ADGRV1: variants seen among roughly 807,000 people sequenced by gnomAD.
ADGRV1 encodes G-protein coupled receptor 98.
Under a neutral mutation model 596.2 loss-of-function variants are expected in ADGRV1, and 359 were observed. The ratio of observed to expected loss-of-function variants is 0.60; its 90% CI spans 0.55 to 0.66. The LOEUF (loss-of-function observed/expected upper bound fraction) is 0.66. Among genes scored for constraint, ADGRV1 ranks in the 30% least tolerant of loss-of-function variants. ADGRV1 has a pLI of 0.00. For missense variants in ADGRV1, 7,274 were observed against 7,575.6 expected, an observed-to-expected ratio of 0.96 and a Z score of 1.48; for synonymous variants, 2,681 against 2,679.2, an observed-to-expected ratio of 1.00 and a Z score of -0.02.
At chr5:90,912,775 T>G (rs1414046221) in intron 83 of ADGRV1, among the ~76,000 whole-genome samples, 2 of 152,170 alleles carry the variant, frequency 1.3e-5, no homozygotes, top group South Asian at 2.1e-4. Flanking sequence ...CTGCAAAGTA[T>G]CCCATGGTGT....
chr5:90,689,873 G>A lies in ADGRV1; in HGVS notation c.6503G>A (p.Ser2168Asn). The A allele has an allele frequency of 2.5e-6, 4 of 1,611,404 alleles. No individual in the cohort carries two copies. The highest frequency in any genetic ancestry group is 1.1e-5 in the South Asian group (1 of 90,768). The change falls in exon 30 of 90, where the codon AGT becomes AAT. Residue 2168 changes from serine (S) to asparagine (N), a missense_variant. Coordinates refer to ENST00000405460, the MANE Select transcript of ADGRV1 (RefSeq NM_032119.4). Reference protein sequence around the residue: ...PITAIAGEDYSIASSDVVLLE... With the variant: ...PITAIAGEDYNIASSDVVLLE... Reference sequence around the variant, plus strand: ...TTGGTCTTTTCAGGTGAAGATTATAGTATAGCTTCATCAGATGTGGTCTTG... The same window carrying A: ...TTGGTCTTTTCAGGTGAAGATTATAATATAGCTTCATCAGATGTGGTCTTG...
intron 75 of ADGRV1, among the ~76,000 whole-genome samples, chr5:90,823,000 A>G (rs1283551491): frequency 6.6e-6 from 1 of 152,190 alleles, no homozygotes; most frequent in Non-Finnish European, 1.5e-5. Context: ...ACTTTGCTGA[A>G]GTTGCTTATC....
intron 77 of ADGRV1, among the ~76,000 whole-genome samples, chr5:90,836,115 T>G (rs1354480895): frequency 6.6e-6 from 1 of 152,178 alleles, no homozygotes; most frequent in Non-Finnish European, 1.5e-5. Context: ...AGAGACTGGA[T>G]CACTTATTCA....
rs769487699 is a variant in ADGRV1, at chr5:90,642,701, A to G, written c.2306A>G (p.Asn769Ser). The G allele has an allele frequency of 1.9e-6, 3 of 1,613,656 alleles. No homozygotes were observed. The highest frequency in any genetic ancestry group is 1.7e-4 in the Middle Eastern group (1 of 6,060). ...AGCCGTGACCTAATTATTTTGGAAA[A>G]TGATGACCCTGGGGGAGTTTTTGAA... is the stretch of plus-strand genomic sequence containing the variant. The part of the protein sequence containing the change: ...YTSRDLIILE[N>S]DDPGGVFEFS... Residue 769 changes from asparagine (N) to serine (S), a missense_variant, in exon 12 of 90, where the codon AAT becomes AGT. Asn to Ser is a conservative substitution (Grantham distance 46). Around this residue, in one of 5 missense-constraint regions of ADGRV1, gnomAD observed 1,715 missense variants for 1,708.8 expected, o/e 1.00. Transcript: ENST00000405460.
intron 59 of ADGRV1, among the ~76,000 whole-genome samples, chr5:90,772,652 G>T (rs890253055): frequency 6.6e-6 from 1 of 152,154 alleles, no homozygotes; most frequent in Non-Finnish European, 1.5e-5. Flanking sequence ...TGATTTTGGG[G>T]TTACAAAGTT....
intron 83 of ADGRV1, among the ~76,000 whole-genome samples, chr5:90,941,357 T>G (rs554694875): frequency 1.3e-5 from 2 of 152,294 alleles, no homozygotes; most frequent in African/African-American, 4.8e-5. Context: ...TGATCAGTCA[T>G]GTGAATATTT....
At position 90,694,328 on chromosome 5, in the gene ADGRV1, G is replaced by A. The variant is rs369978384; in HGVS notation, c.7572G>A (p.Val2524=). 1 of 1,613,974 alleles carries A rather than the reference G, an allele frequency of 6.2e-7. No homozygotes were observed. The highest frequency in any genetic ancestry group is 8.5e-7 in the Non-Finnish European group (1 of 1,179,874). ...QEGDEFANLT[V]SILPDDFPEM... Reference sequence around the variant, plus strand: ...GTGATGAATTCGCAAATCTCACAGTGTCTATTCTTCCTGATGATTTCCCAG... The same window carrying A: ...GTGATGAATTCGCAAATCTCACAGTATCTATTCTTCCTGATGATTTCCCAG... Residue 2524 remains valine (V), a synonymous_variant, in exon 33 of 90, where the codon GTG becomes GTA. Transcript: ENST00000405460.
chr5:90,769,418 T>G (rs1757462734), intron 59 of ADGRV1, among the ~76,000 whole-genome samples: 1 of 152,170 alleles, frequency 6.6e-6, no homozygotes, highest in Non-Finnish European at 1.5e-5. Flanking sequence ...GAAACTTTGT[T>G]AAGTATCACT....
At chr5:90,602,661 G>A (rs1260510708) in intron 1 of ADGRV1, among the ~76,000 whole-genome samples, 1 of 152,168 alleles carries the variant, frequency 6.6e-6, no homozygotes, top group Non-Finnish European at 1.5e-5. Flanking sequence ...GGAGCCCAAG[G>A]AAACATGACA....
chr5:90,860,356 A>G (rs1329330799), intron 82 of ADGRV1, among the ~76,000 whole-genome samples: 2 of 151,920 alleles, frequency 1.3e-5, no homozygotes, highest in East Asian at 3.9e-4. Flanking sequence ...GCTGGAGTGC[A>G]ATGGCACGAT....
At chr5:91,141,858 A>T (rs991357092) in intron 87 of ADGRV1, among the ~76,000 whole-genome samples, 1 of 152,134 alleles carries the variant, frequency 6.6e-6, no homozygotes, top group Non-Finnish European at 1.5e-5. Flanking sequence ...CTCTAAGGAG[A>T]TGTAGCCACA....
intron 1 of ADGRV1, among the ~76,000 whole-genome samples, chr5:90,565,724 C>CATATT (rs1345260188): frequency 6.6e-6 from 1 of 152,072 alleles, no homozygotes; most frequent in Non-Finnish European, 1.5e-5. Context: ...ATTGCTAGGT[C>CATATT]ATATTGTCAC....
At chr5:90,718,403 C>G (rs1420275583) in intron 43 of ADGRV1, 1 of 152,022 alleles carries the variant, frequency 6.6e-6, no homozygotes, top group Non-Finnish European at 1.5e-5. Context: ...CACCTTTTGA[C>G]TCTTGTCAAT....
chr5:90,790,871 A>C lies in ADGRV1; in HGVS notation c.14044-2A>C. 6.4e-7 allele frequency: 1 copy of C among 1,573,744 alleles called. No individual in the cohort carries two copies. Among genetic ancestry groups the C allele is most frequent in the East Asian group, 2.2e-5 (1 of 44,540 alleles). On this transcript the variant is annotated splice_acceptor_variant, in intron 69 of 89. Coordinates refer to ENST00000405460, the MANE Select transcript of ADGRV1 (RefSeq NM_032119.4). LOFTEE classifies it high-confidence loss of function. ...TTGTTGAGTTTTTTTCTTTTATTTTAGGTTTACTGGGAATTAAGTAGTGAG... is the reference window on the plus strand; with the variant it reads ...TTGTTGAGTTTTTTTCTTTTATTTTCGGTTTACTGGGAATTAAGTAGTGAG...
intron 21 of ADGRV1, among the ~76,000 whole-genome samples, chr5:90,670,192 C>G (rs1463541384): frequency 1.3e-5 from 2 of 152,118 alleles, no homozygotes; most frequent in Admixed American, 1.3e-4. Context: ...TTGATTCTTA[C>G]CCAAAACCTG....
chr5:90,655,008 A>T (rs991404508), intron 20 of ADGRV1: 1 of 152,196 alleles, frequency 6.6e-6, no homozygotes, highest in African/African-American at 2.4e-5. Context: ...ATTTGGAAAG[A>T]TAATTTTTAA....
At position 90,716,662 on chromosome 5, in the gene ADGRV1, C is replaced by T; in HGVS notation, c.9380C>T (p.Ser3127Leu). Residue 3127 changes from serine (S) to leucine (L), a missense_variant, in exon 43 of 90, where the codon TCA becomes TTA. Ser to Leu is a moderately radical substitution (Grantham distance 145). This residue lies in a region of ADGRV1 where 3,643 missense variants were observed against 3,809.2 expected (regional missense o/e 0.96). Transcript: ENST00000405460. The part of the protein sequence containing the change: ...VQFIVTEVNS[S>L]NESKDLTPSK... ...TTCATTGTGACAGAAGTGAATTCCT[C>T]AAATGAATCTAAAGATCTGACTCCT... 1 of 1,612,774 alleles carries T rather than the reference C, an allele frequency of 6.2e-7. No individual in the cohort carries two copies. Among genetic ancestry groups the T allele is most frequent in the South Asian group, 1.1e-5 (1 of 91,038 alleles).
intron 1 of ADGRV1, among the ~76,000 whole-genome samples, chr5:90,593,775 T>C (rs1759860576): frequency 6.6e-6 from 1 of 152,148 alleles, no homozygotes; most frequent in Non-Finnish European, 1.5e-5. Context: ...AAAAAATCTT[T>C]TATCATTAAC....
intron 52 of ADGRV1, among the ~76,000 whole-genome samples, chr5:90,749,704 T>C (rs1561653369): frequency 1.3e-5 from 2 of 152,158 alleles, no homozygotes; most frequent in South Asian, 4.1e-4. Context: ...CCAGGGGTAT[T>C]GTAAGAAGAG....
Sources: allele counts gnomAD v4.1 joint callset (sites outside exome capture counted in the v4.1 genomes callset), GRCh38; gene constraint gnomAD v4.1.1; regional missense constraint gnomAD v4.1.1; transcripts MANE v1.5; gene names NCBI Gene and HGNC (gene_info 2026-07-23, HGNC 2026-07-21).